CUBN: variants seen among roughly 807,000 people sequenced by gnomAD.
The protein encoded by CUBN is cubilin, also known as 460 kDa receptor.
Under a neutral mutation model 405.3 loss-of-function variants are expected in CUBN, and 282 were observed. The ratio of observed to expected loss-of-function variants is 0.70; its 90% CI spans 0.63 to 0.77. The LOEUF is 0.77. Among genes scored for constraint, CUBN ranks in the 30% least tolerant of loss-of-function variants. The pLI is 0.00. For missense variants in CUBN, 4,514 were observed against 4,475.2 expected (o/e 1.01, Z -0.25); for synonymous variants, 1,684 against 1,617.0 (o/e 1.04, Z -0.99).
intron 48 of CUBN, among the ~76,000 whole-genome samples, chr10:16,908,202 G>C (rs1841611369): frequency 6.6e-6 from 1 of 152,078 alleles, no homozygotes; most frequent in African/African-American, 2.4e-5. Flanking sequence ...CTGGAGTGCA[G>C]CGGTGTGATC....
chr10:17,048,866 T>C (rs1835197436), intron 22 of CUBN, among the ~76,000 whole-genome samples: 1 of 152,188 alleles, frequency 6.6e-6, no homozygotes, highest in Non-Finnish European at 1.5e-5. Flanking sequence ...ATCATTGGTA[T>C]TGAAAACATA....
At chr10:17,050,035 C>G (rs1344537442) in intron 22 of CUBN, among the ~76,000 whole-genome samples, 1 of 152,120 alleles carries the variant, frequency 6.6e-6, no homozygotes, top group Non-Finnish European at 1.5e-5. Context: ...ACGAAGGGGA[C>G]TGGTACATGC....
intron 28 of CUBN, among the ~76,000 whole-genome samples, chr10:16,993,367 T>C (rs1833646632): frequency 6.6e-6 from 1 of 152,234 alleles, no homozygotes; most frequent in South Asian, 2.1e-4. Context: ...GTGTAACATT[T>C]TTCCATTGTC....
At chr10:16,961,357 TGCCCG>T (rs1191763908) in intron 31 of CUBN, among the ~76,000 whole-genome samples, 1 of 151,964 alleles carries the variant, frequency 6.6e-6, no homozygotes, top group East Asian at 1.9e-4. Context: ...TGAGCCACAG[TGCCCG>T]GCCTTAATTT....
chr10:16,899,226 G>T (rs201786032), intron 53 of CUBN, 43 bp from the exon 54 acceptor site: 10 of 1,529,564 alleles, frequency 6.5e-6, no homozygotes, highest in South Asian at 1.1e-5. Flanking sequence ...AGCAAGGAAA[G>T]TAATTTTGGA....
At chr10:16,848,690 C>CTTT (rs10562297) in intron 60 of CUBN, among the ~76,000 whole-genome samples, 23,434 of 53,496 alleles carry the variant, frequency 0.44, 9,665 homozygotes, top group Middle Eastern at 0.75. Flanking sequence ...CTCTCCCAGC[C>CTTT]TTTTTTTTTT....
chr10:16,922,219 A>T (rs1842053668), intron 43 of CUBN, among the ~76,000 whole-genome samples: 1 of 152,218 alleles, frequency 6.6e-6, no homozygotes, highest in South Asian at 2.1e-4. Flanking sequence ...CTGTGGGAAG[A>T]ATGGATCCAC....
intron 28 of CUBN, among the ~76,000 whole-genome samples, chr10:16,999,981 T>C (rs1470752545): frequency 6.6e-6 from 1 of 152,220 alleles, no homozygotes. Context: ...TGTGACCCTT[T>C]AAACTCTGTC....
chr10:16,991,798 G>A (rs370979751), intron 28 of CUBN, among the ~76,000 whole-genome samples: 2 of 152,240 alleles, frequency 1.3e-5, no homozygotes, highest in African/African-American at 4.8e-5. Context: ...TGGTGGGACT[G>A]TAAACTAGTT....
chr10:16,913,961 TCCAATAGAG>T lies in CUBN; in HGVS notation c.7374_7382del (p.Ser2459_Gly2461del), dbSNP rs776030465. 6.2e-7 allele frequency: 1 copy of T among 1,613,996 alleles called. No homozygotes were observed. Among genetic ancestry groups the T allele is most frequent in the Non-Finnish European group, 8.5e-7 (1 of 1,180,004 alleles). On this transcript the variant is annotated inframe_deletion, in exon 48 of 67. Coordinates refer to ENST00000377833, the MANE Select transcript of CUBN (RefSeq NM_001081.4). ...TCGGGTAGTTGGGAGAAGTAAATGT[TCCAATAGAG>T]CCCTGAAGATCCCCACCACACTCTG... is the stretch of plus-strand genomic sequence containing the variant.
At chr10:17,026,747 A>G (rs1038708167) in intron 27 of CUBN, among the ~76,000 whole-genome samples, 1 of 152,206 alleles carries the variant, frequency 6.6e-6, no homozygotes, top group African/African-American at 2.4e-5. Flanking sequence ...TGGATAAATG[A>G]GGCAAATGTA....
chr10:16,858,343 T>C (rs1252253673), intron 59 of CUBN, among the ~76,000 whole-genome samples: 1 of 152,154 alleles, frequency 6.6e-6, no homozygotes. Context: ...TTTTTTAGGA[T>C]AGAGGCTTGC....
chr10:16,868,778 A>G (rs1564394599), intron 59 of CUBN, among the ~76,000 whole-genome samples: 1 of 151,996 alleles, frequency 6.6e-6, no homozygotes, highest in Non-Finnish European at 1.5e-5. Context: ...CCCCCGCTAC[A>G]TCACCCTCTC....
chr10:17,004,762 C>A (rs911230537), intron 28 of CUBN, among the ~76,000 whole-genome samples: 1 of 151,594 alleles, frequency 6.6e-6, no homozygotes, highest in Non-Finnish European at 1.5e-5. Context: ...CTCTGCCTCC[C>A]AGTTTCAAGC....
chr10:17,128,722 T>C (rs970953237), intron 2 of CUBN, among the ~76,000 whole-genome samples: 13 of 152,088 alleles, frequency 8.5e-5, no homozygotes, highest in African/African-American at 3.1e-4. Context: ...CCAATTATGT[T>C]CTCTATGCTA....
At chr10:16,909,190 G>A (rs1841651486) in intron 48 of CUBN, among the ~76,000 whole-genome samples, 1 of 152,144 alleles carries the variant, frequency 6.6e-6, no homozygotes, top group Non-Finnish European at 1.5e-5. Flanking sequence ...CGGCCAAGAT[G>A]TCATCTCTTT....
At chr10:17,129,520 C>G in intron 1 of CUBN, 124 bp downstream of exon 1, 2 of 1,267,974 alleles carry the variant, frequency 1.6e-6, no homozygotes, top group Non-Finnish European at 2.3e-6. Flanking sequence ...AATGTTTTTC[C>G]CTGTTTGCTT....
intron 15 of CUBN, among the ~76,000 whole-genome samples, chr10:17,086,572 G>A (rs1249621004): frequency 4.6e-5 from 7 of 152,020 alleles, no homozygotes; most frequent in African/African-American, 9.7e-5. Flanking sequence ...TGATAATGAC[G>A]TGACCTTAGA....
rs1588603923 is a variant in CUBN at position 16,868,646 on chromosome 10, T to C, written c.9454+990A>G. On this transcript the variant is annotated intron_variant, in intron 59 of 66. Transcript: ENST00000377833. ...TTTTATTTTAAATTATTCAAAATTC[T>C]GAGTTAATTTGATATGGGTATTTCT... is the stretch of plus-strand genomic sequence containing the variant. Among the ~76,000 whole-genome samples, 5 of 152,240 alleles carry C rather than the reference T, an allele frequency of 3.3e-5. No individual in the cohort carries two copies. In the South Asian group the frequency reaches 8.3e-4, roughly 25 times the overall value.
Sources: gnomAD v4.1 joint callset for allele counts (sites outside exome capture counted in the v4.1 genomes callset) on GRCh38, gnomAD v4.1.1 for gene constraint, MANE v1.5 for transcripts, NCBI Gene and HGNC (gene_info 2026-07-23, HGNC 2026-07-21) for gene names.